Variants in TATDN1 observed in about 807,000 individuals in gnomAD.
TATDN1 encodes the protein deoxyribonuclease TATDN1.
TATDN1 carries 40 observed loss-of-function variants against 46.4 expected under a neutral mutation model. The observed-to-expected ratio is 0.86, with a 90% CI of 0.67 to 1.12. The LOEUF is 1.12. Among genes scored for constraint, TATDN1 ranks in the 50% most tolerant of loss-of-function variants. The pLI is 0.00. For synonymous variants in TATDN1, 95 were observed against 105.6 expected (o/e 0.90, Z 0.62); for missense variants, 326 against 348.4 (o/e 0.94, Z 0.51).
chr8:124,535,138 G>A (rs928190599), intron 1 of TATDN1, among the ~76,000 whole-genome samples: 4 of 152,150 alleles, frequency 2.6e-5, no homozygotes, highest in African/African-American at 9.7e-5. Flanking sequence ...GGTTTTCCTA[G>A]GCAAACCCCC....
chr8:124,509,998 T>A (rs374558071), intron 6 of TATDN1, among the ~76,000 whole-genome samples: 1 of 143,118 alleles, frequency 7.0e-6, no homozygotes. Context: ...ACCACTGCAC[T>A]CCAGCCTGGG....
At chr8:124,538,077 C>T (rs1338846243) in intron 1 of TATDN1, among the ~76,000 whole-genome samples, 2 of 152,140 alleles carry the variant, frequency 1.3e-5, no homozygotes, top group Non-Finnish European at 2.9e-5. Flanking sequence ...CAAACTTAAC[C>T]TAATCCAAAT....
chr8:124,508,411 G>T, intron 8 of TATDN1, 63 bp downstream of exon 8: 1 of 1,402,718 alleles, frequency 7.1e-7, no homozygotes, highest in Non-Finnish European at 9.9e-7. Context: ...GTACTTGGGA[G>T]TATTTTGGAT....
intron 10 of TATDN1, chr8:124,495,100 G>C: frequency 4.0e-6 from 1 of 250,542 alleles, no homozygotes; most frequent in South Asian, 5.1e-5. Flanking sequence ...ACAAAGTGCT[G>C]TAGAATTAAG....
chr8:124,516,609 C>A (rs888545831), intron 4 of TATDN1, among the ~76,000 whole-genome samples: 2 of 152,080 alleles, frequency 1.3e-5, no homozygotes, highest in Non-Finnish European at 2.9e-5. Context: ...ATGACCAGCA[C>A]TGATTTTATC....
chr8:124,509,789 A>T (rs1200519144), intron 6 of TATDN1, among the ~76,000 whole-genome samples: 2 of 152,224 alleles, frequency 1.3e-5, no homozygotes, highest in East Asian at 3.9e-4. Context: ...CTGTAATGCC[A>T]GCACTTTGGG....
intron 11 of TATDN1, among the ~76,000 whole-genome samples, chr8:124,492,374 T>G (rs1478441307): frequency 6.6e-6 from 1 of 152,240 alleles, no homozygotes; most frequent in Non-Finnish European, 1.5e-5. Context: ...TACATAAGAT[T>G]AAGGAAATAT....
chr8:124,513,959 GGTA>G (rs1325680192), intron 6 of TATDN1, among the ~76,000 whole-genome samples: 1 of 152,170 alleles, frequency 6.6e-6, no homozygotes, highest in Non-Finnish European at 1.5e-5. Flanking sequence ...ATTCGACAGA[GGTA>G]TAGGGCTTCA....
intron 9 of TATDN1, among the ~76,000 whole-genome samples, chr8:124,500,449 G>A (rs1322164601): frequency 3.9e-5 from 6 of 152,130 alleles, no homozygotes; most frequent in African/African-American, 1.2e-4. Flanking sequence ...GCTCATGCCT[G>A]TAATCCAAGC....
chr8:124,506,334 CAAAAAAAAAAAAA>C (rs56023168), intron 8 of TATDN1, among the ~76,000 whole-genome samples: 16 of 52,526 alleles, frequency 3.0e-4, no homozygotes, highest in African/African-American at 1.1e-3. Flanking sequence ...GGCTCTGTCT[CAAAAAAAAAAAAA>C]AAAAAAAAAG....
chr8:124,499,196 GTCAT>G, intron 9 of TATDN1, among the ~76,000 whole-genome samples: 1 of 152,168 alleles, frequency 6.6e-6, no homozygotes, highest in African/African-American at 2.4e-5. Context: ...TGGGTGAGAT[GTCAT>G]TAGTTTGACA....
At chr8:124,490,754 GTT>G (rs71289672) in intron 11 of TATDN1, among the ~76,000 whole-genome samples, 8 of 144,764 alleles carry the variant, frequency 5.5e-5, no homozygotes, top group Admixed American at 6.9e-5. Context: ...ACAGGTTTTT[GTT>G]TTTTTTTTTT....
Position 124,508,707 on chromosome 8 carries a change from A to C in TATDN1, c.390-19T>G, listed in dbSNP as rs748285628. On this transcript the variant is annotated intron_variant, in intron 6 of 11. Transcript: ENST00000276692. ...AAAATATCTGCATAATGCAAAAAAAAAAAATTCTCATTACAAATTGTATTT... is the reference window on the plus strand; with the variant it reads ...AAAATATCTGCATAATGCAAAAAAACAAAATTCTCATTACAAATTGTATTT... 7.6e-6 allele frequency: 11 copies of C among 1,444,476 alleles called. No homozygotes were observed. The highest frequency in any genetic ancestry group is 1.0e-5 in the Non-Finnish European group (11 of 1,074,308). The allele number at this position is 1,444,476 out of a possible 1,614,324, so 89.5% of individuals were successfully genotyped here.
intron 1 of TATDN1, among the ~76,000 whole-genome samples, chr8:124,537,088 G>A (rs1184276355): frequency 6.6e-6 from 1 of 152,054 alleles, no homozygotes; most frequent in Admixed American, 6.6e-5. Flanking sequence ...TCTTTAAGAA[G>A]TCTTTTCTTG....
At chr8:124,536,142 AT>A (rs1291095414) in intron 1 of TATDN1, among the ~76,000 whole-genome samples, 1 of 152,212 alleles carries the variant, frequency 6.6e-6, no homozygotes, top group Non-Finnish European at 1.5e-5. Context: ...TGCAGTAGAG[AT>A]TCTGGCATAT....
In TATDN1 at chr8:124,511,075, T is replaced by C. The variant is rs553117530; in HGVS notation, c.390-2387A>G. On this transcript the variant is annotated intron_variant, in intron 6 of 11. Coordinates refer to ENST00000276692, the MANE Select transcript of TATDN1 (RefSeq NM_032026.4). ...ACTGTATAAGTTACAGGGTAGGAAT[T>C]GGCATCTATTAAGAGACTTCTCTGC... is the stretch of plus-strand genomic sequence containing the variant. Among the ~76,000 whole-genome samples the C allele has an allele frequency of 2.0e-5, 3 of 152,328 alleles. No homozygotes were observed. In the East Asian group the frequency reaches 5.8e-4, roughly 29 times the overall value.
chr8:124,531,335 A>G (rs1196894443), intron 1 of TATDN1, among the ~76,000 whole-genome samples: 1 of 152,202 alleles, frequency 6.6e-6, no homozygotes, highest in Non-Finnish European at 1.5e-5. Context: ...GGAGAGCTTT[A>G]GGCAAGGACA....
intron 6 of TATDN1, among the ~76,000 whole-genome samples, chr8:124,511,408 C>T (rs1425489457): frequency 1.3e-5 from 2 of 152,156 alleles, no homozygotes; most frequent in Admixed American, 6.5e-5. Context: ...CCCTAAATCC[C>T]CAAAGGATTG....
rs1228211049 is a variant in TATDN1 at position 124,516,570 on chromosome 8, A to AATCCC, written c.203-541_203-540insGGGAT. ...AGCGATCCACCTGCCTGGCCTCCCA[A>AATCCC]AGTGCTGGGATTACAGGCCTGAGCC... On this transcript the variant is annotated intron_variant, in intron 4 of 11. Coordinates refer to ENST00000276692, the MANE Select transcript of TATDN1 (RefSeq NM_032026.4). Among the ~76,000 whole-genome samples, 22 of 152,202 alleles carry AATCCC rather than the reference A, an allele frequency of 1.4e-4. No homozygotes were observed. In the East Asian group the frequency reaches 4.0e-3, roughly 28 times the overall value.
Sources: allele counts gnomAD v4.1 joint callset (sites outside exome capture counted in the v4.1 genomes callset), GRCh38; gene constraint gnomAD v4.1.1; transcripts MANE v1.5; gene names NCBI Gene and HGNC (gene_info 2026-07-23, HGNC 2026-07-21).